GRAMD2B: variants seen among roughly 807,000 people sequenced by gnomAD.
GRAMD2B encodes the protein GRAM domain-containing protein 2B.
GRAMD2B carries 41 observed loss-of-function variants against 59.2 expected under a neutral mutation model. The ratio of observed to expected loss-of-function variants is 0.69; its 90% CI spans 0.54 to 0.90. GRAMD2B has a LOEUF of 0.90. Ranked by LOEUF, GRAMD2B falls within the 40% of genes least tolerant of loss-of-function variation. The pLI is 0.00. For synonymous variants in GRAMD2B, 161 were observed against 182.7 expected (o/e 0.88, Z 0.96); for missense variants, 424 against 500.5 (o/e 0.85, Z 1.46).
chr5:126,360,414 T>C (rs1010587845), exon 1 of GRAMD2B: 5 of 1,551,418 alleles, frequency 3.2e-6, no homozygotes, highest in Non-Finnish European at 4.4e-6. Context: ...TGGAAGAGTA[T>C]GTTCCACGGG....
intron 1 of GRAMD2B, among the ~76,000 whole-genome samples, chr5:126,439,250 T>G (rs1273346944): frequency 6.6e-6 from 1 of 152,132 alleles, no homozygotes; most frequent in African/African-American, 2.4e-5. Context: ...TTCCGTATGT[T>G]GAAATATATA....
intron 1 of GRAMD2B, among the ~76,000 whole-genome samples, chr5:126,377,421 G>C (rs554841151): frequency 6.6e-6 from 1 of 152,200 alleles, no homozygotes; most frequent in South Asian, 2.1e-4. Flanking sequence ...GGCCCTGGGA[G>C]GGCCACTGGT....
chr5:126,393,298 G>A (rs887725819), intron 1 of GRAMD2B, among the ~76,000 whole-genome samples: 1 of 152,080 alleles, frequency 6.6e-6, no homozygotes, highest in African/African-American at 2.4e-5. Context: ...TCTTCCAAGT[G>A]TAAAATATTA....
intron 1 of GRAMD2B, among the ~76,000 whole-genome samples, chr5:126,376,646 C>T (rs570142561): frequency 5.3e-5 from 8 of 152,260 alleles, no homozygotes; most frequent in Admixed American, 3.9e-4. Context: ...GGGCTCAGCG[C>T]CTGTTCACAA....
chr5:126,438,606 G>A (rs1054620689), intron 1 of GRAMD2B, among the ~76,000 whole-genome samples: 4 of 152,102 alleles, frequency 2.6e-5, no homozygotes, highest in Non-Finnish European at 4.4e-5. Context: ...TGTGAAATAC[G>A]AGCTGACGAA....
intron 1 of GRAMD2B, among the ~76,000 whole-genome samples, chr5:126,462,117 A>G (rs1481787912): frequency 6.6e-6 from 1 of 152,250 alleles, no homozygotes; most frequent in Admixed American, 6.5e-5. Context: ...TATTTGTTGA[A>G]AAAGGAGGAT....
chr5:126,483,783 T>C (rs984229447), intron 9 of GRAMD2B: 7 of 538,624 alleles, frequency 1.3e-5, no homozygotes, highest in Admixed American at 3.4e-5. Flanking sequence ...TTTGCTTTTA[T>C]GCACATTTAA....
intron 1 of GRAMD2B, among the ~76,000 whole-genome samples, chr5:126,397,285 T>A (rs1318382035): frequency 6.6e-6 from 1 of 152,184 alleles, no homozygotes; most frequent in South Asian, 2.1e-4. Context: ...AACAGAGTGG[T>A]GTGATCTTGG....
At position 126,472,577 on chromosome 5, in the gene GRAMD2B, C is replaced by T. The variant is rs73338036; in HGVS notation, c.382+273C>T. 0.029 allele frequency among the ~76,000 whole-genome samples: 4,360 copies of T among 152,184 alleles called. 227 individuals are homozygous for T. Among genetic ancestry groups the T allele is most frequent in the African/African-American group, 0.099 (4,121 of 41,486 alleles). On this transcript the variant is annotated intron_variant, in intron 4 of 13. Coordinates refer to ENST00000285689, the MANE Select transcript of GRAMD2B (RefSeq NM_023927.4). Reference sequence around the variant, plus strand: ...CCCTTCTTTATTTATTGCTGAAATGCACATGGTTACATTGCTTTAAGATTT... The same window carrying T: ...CCCTTCTTTATTTATTGCTGAAATGTACATGGTTACATTGCTTTAAGATTT...
At chr5:126,371,799 A>G (rs1464175802) in intron 1 of GRAMD2B, among the ~76,000 whole-genome samples, 5 of 152,218 alleles carry the variant, frequency 3.3e-5, no homozygotes, top group African/African-American at 1.2e-4. Flanking sequence ...AATAATTTTT[A>G]GTGCCTTCTT....
chr5:126,477,605 T>G (rs1369792483), intron 5 of GRAMD2B, 87 bp from the exon 6 acceptor site: 3 of 816,316 alleles, frequency 3.7e-6, no homozygotes, highest in Non-Finnish European at 6.4e-6. Context: ...TCTGTTTACC[T>G]TTTTTTTCTT....
chr5:126,407,245 T>A (rs755519914), intron 1 of GRAMD2B, among the ~76,000 whole-genome samples: 1 of 151,958 alleles, frequency 6.6e-6, no homozygotes, highest in Non-Finnish European at 1.5e-5. Flanking sequence ...GATATTTTAG[T>A]TAGGTCCCTA....
At chr5:126,475,176 C>G (rs1042004059) in intron 5 of GRAMD2B, among the ~76,000 whole-genome samples, 1 of 152,140 alleles carries the variant, frequency 6.6e-6, no homozygotes, top group Non-Finnish European at 1.5e-5. Context: ...TTTTAGTCAG[C>G]CTGTCGGTAT....
intron 5 of GRAMD2B, among the ~76,000 whole-genome samples, chr5:126,475,014 T>C (rs911287907): frequency 6.6e-6 from 1 of 152,204 alleles, no homozygotes; most frequent in Non-Finnish European, 1.5e-5. Flanking sequence ...CAGTCCAACA[T>C]GGTCCAATAT....
chr5:126,386,581 A>C (rs1469043), intron 1 of GRAMD2B, among the ~76,000 whole-genome samples: 3 of 152,158 alleles, frequency 2.0e-5, no homozygotes, highest in East Asian at 3.8e-4. Context: ...GGGGACCATC[A>C]TGGAGGCTGG....
intron 1 of GRAMD2B, among the ~76,000 whole-genome samples, chr5:126,409,379 T>C (rs143113078): frequency 0.03 from 4,584 of 152,316 alleles, 222 homozygotes; most frequent in African/African-American, 0.11. Context: ...TGATTGCCAT[T>C]CTAACTAGTA....
At chr5:126,410,541 T>A (rs1421663931) in intron 1 of GRAMD2B, among the ~76,000 whole-genome samples, 1 of 152,142 alleles carries the variant, frequency 6.6e-6, no homozygotes, top group East Asian at 1.9e-4. Context: ...ATTGATTTTG[T>A]ATCCTGAGAC....
chr5:126,447,438 A>G (rs953663159), intron 1 of GRAMD2B, among the ~76,000 whole-genome samples: 9 of 152,184 alleles, frequency 5.9e-5, no homozygotes, highest in East Asian at 3.9e-4. Flanking sequence ...CAAGGCGGGC[A>G]GATCATGAGG....
intron 1 of GRAMD2B, among the ~76,000 whole-genome samples, chr5:126,458,635 G>A (rs1374468270): frequency 1.3e-5 from 2 of 152,020 alleles, no homozygotes; most frequent in South Asian, 2.1e-4. Flanking sequence ...TAGCTGCCAC[G>A]GTTATATATA....
Sources: allele counts gnomAD v4.1 joint callset (sites outside exome capture counted in the v4.1 genomes callset), GRCh38; gene constraint gnomAD v4.1.1; transcripts MANE v1.5; gene names NCBI Gene and HGNC (gene_info 2026-07-23, HGNC 2026-07-21).